GLYAT: variants seen among roughly 807,000 people sequenced by gnomAD.
GLYAT encodes glycine-N-acyltransferase.
Under a neutral mutation model 22.8 loss-of-function variants are expected in GLYAT, and 25 were observed. The observed-to-expected ratio is 1.09, with a 90% CI of 0.80 to 1.53. The LOEUF is 1.53. Ranked by LOEUF, GLYAT falls within the 40% of genes most tolerant of loss-of-function variation. GLYAT has a pLI of 0.00. For synonymous variants in GLYAT, 140 were observed against 122.7 expected, an observed-to-expected ratio of 1.14 and a Z score of -0.93; for missense variants, 411 against 353.9, an observed-to-expected ratio of 1.16 and a Z score of -1.29.
In GLYAT at chr11:58,709,734, T is replaced by A. The variant is rs1468580176; in HGVS notation, c.*32A>T. On this transcript the variant is annotated 3_prime_UTR_variant, in exon 6 of 6. Coordinates refer to ENST00000344743, the MANE Select transcript of GLYAT (RefSeq NM_201648.3). ...ACTCCTCAAATTATACGCCCAGACC[T>A]GCCCAACACTGTCTTATGTTCAGGA... 1 of 1,571,938 alleles carries A rather than the reference T, an allele frequency of 6.4e-7. No individual in the cohort carries two copies. Among genetic ancestry groups the A allele is most frequent in the Admixed American group, 1.8e-5 (1 of 55,330 alleles).
chr11:58,717,469 C>G (rs1461334415), intron 2 of GLYAT, among the ~76,000 whole-genome samples: 2 of 151,532 alleles, frequency 1.3e-5, no homozygotes, highest in Non-Finnish European at 2.9e-5. Flanking sequence ...TTATTTTTTT[C>G]TGAAGTTTAA....
intron 2 of GLYAT, among the ~76,000 whole-genome samples, chr11:58,721,061 A>C (rs2134490156): frequency 6.6e-6 from 1 of 152,106 alleles, no homozygotes; most frequent in South Asian, 2.1e-4. Context: ...TTAGTAGTGA[A>C]ATATTTTGTA....
rs554742715 is a variant in GLYAT at position 58,724,443 on chromosome 11, C to T, written c.54G>A (p.Leu18=). Residue 18 remains leucine, a synonymous_variant, in exon 2 of 6, where the codon TTG becomes TTA. Transcript: ENST00000344743. ...AQMLQMLEKS[L]RKSLPASLKV... is the part of the protein sequence containing the mutation. ...TTAAGGATGCTGGGAGGCTCTTCCT[C>T]AAGGATTTCTCCAGCATCTGCAGCA... is the stretch of plus-strand genomic sequence containing the variant. The T allele has an allele frequency of 3.1e-6, 5 of 1,606,260 alleles. No homozygotes were observed. The South Asian group carries it at 4.4e-5, about 14-fold the overall frequency.
At chr11:58,715,960 G>C (rs934965120) in intron 2 of GLYAT, among the ~76,000 whole-genome samples, 3 of 152,066 alleles carry the variant, frequency 2.0e-5, no homozygotes, top group Non-Finnish European at 4.4e-5. Context: ...TGGTTTAAAG[G>C]CTATATACAT....
chr11:58,715,795 C>T (rs963758849), intron 2 of GLYAT, among the ~76,000 whole-genome samples: 2 of 152,120 alleles, frequency 1.3e-5, no homozygotes, highest in African/African-American at 4.8e-5. Context: ...AATTTCATTA[C>T]ATGGATGCAT....
chr11:58,712,255 CATT>C (rs1856625021), intron 4 of GLYAT, among the ~76,000 whole-genome samples: 1 of 152,146 alleles, frequency 6.6e-6, no homozygotes, highest in South Asian at 2.1e-4. Flanking sequence ...TTTTAGGTAA[CATT>C]ATTTTCCTCA....
intron 2 of GLYAT, 150 bp downstream of exon 2, chr11:58,724,266 C>T: frequency 2.0e-6 from 1 of 511,420 alleles, no homozygotes; most frequent in Admixed American, 3.5e-5. Flanking sequence ...TGACAGTAAA[C>T]ATCTTGTAGA....
intron 5 of GLYAT, 158 bp downstream of exon 5, chr11:58,710,432 C>A: frequency 1.4e-6 from 1 of 737,744 alleles, no homozygotes; most frequent in East Asian, 2.6e-5. Flanking sequence ...GTCTTTTAAG[C>A]AGGAGAGAAA....
At chr11:58,713,827 A>G (rs1266991934) in intron 3 of GLYAT, among the ~76,000 whole-genome samples, 1 of 152,138 alleles carries the variant, frequency 6.6e-6, no homozygotes, top group Non-Finnish European at 1.5e-5. Flanking sequence ...ACATTTAATA[A>G]AAGATCAAAT....
Position 58,710,232 on chromosome 11 carries a change from C to T in GLYAT, c.489-64G>A, listed in dbSNP as rs1012981216. 1.4e-5 allele frequency: 21 copies of T among 1,530,242 alleles called. No homozygotes were observed. The African/African-American group carries it at 2.8e-4, about 20-fold the overall frequency. 94.8% of individuals were successfully genotyped at this position (1,530,242 alleles called of 1,614,324 possible). On this transcript the variant is annotated intron_variant, in intron 5 of 5. Transcript: ENST00000344743. The stretch of plus-strand genomic sequence containing the variant: ...TAAAGGTTTGTATTTGCTGTGACCT[C>T]TATTGTCTTGAGAGACAGAGTAGAC...
At position 58,724,519 on chromosome 11, in the gene GLYAT, G is replaced by A. The variant is rs770818353; in HGVS notation, c.-15-8C>T. The A allele has an allele frequency of 1.5e-5, 22 of 1,451,692 alleles. No individual in the cohort carries two copies. The highest frequency in any genetic ancestry group is 1.2e-5 in the Non-Finnish European group (13 of 1,041,266). 89.9% of individuals were successfully genotyped at this position (1,451,692 alleles called of 1,614,324 possible). On this transcript the variant is annotated splice_polypyrimidine_tract_variant and splice_region_variant and intron_variant, in intron 1 of 5. Transcript: ENST00000344743. The stretch of plus-strand genomic sequence containing the variant: ...CATGGAGGATACCTTAGCCTAGAAA[G>A]ACAACCAAGGAACATACAGGATTGA...
chr11:58,717,763 G>C (rs1217202871), intron 2 of GLYAT, among the ~76,000 whole-genome samples: 1 of 151,960 alleles, frequency 6.6e-6, no homozygotes, highest in Non-Finnish European at 1.5e-5. Flanking sequence ...ATTATGGTAG[G>C]ACTGGTTTGC....
At chr11:58,727,127 T>C (rs2134497011) in intron 1 of GLYAT, among the ~76,000 whole-genome samples, 1 of 152,228 alleles carries the variant, frequency 6.6e-6, no homozygotes, top group Admixed American at 6.5e-5. Flanking sequence ...ATATGTTAAA[T>C]CATAAAGCAC....
intron 2 of GLYAT, among the ~76,000 whole-genome samples, chr11:58,722,401 T>C (rs1285660575): frequency 6.6e-6 from 1 of 152,062 alleles, no homozygotes; most frequent in Non-Finnish European, 1.5e-5. Context: ...ACACTTGGTT[T>C]TATATATTTT....
chr11:58,714,607 T>C (rs893011012), intron 3 of GLYAT, among the ~76,000 whole-genome samples: 4 of 152,122 alleles, frequency 2.6e-5, no homozygotes, highest in Non-Finnish European at 4.4e-5. Context: ...ATGGAGACAA[T>C]TGAATCATTG....
At chr11:58,711,833 A>G (rs1856619958) in intron 4 of GLYAT, among the ~76,000 whole-genome samples, 1 of 152,232 alleles carries the variant, frequency 6.6e-6, no homozygotes, top group African/African-American at 2.4e-5. Context: ...ATGCAAGGAG[A>G]GGCTTAAAAG....
In GLYAT at chr11:58,710,432, C is replaced by G. The variant is rs563068870; in HGVS notation, c.488+158G>C. ...AAGGGAGATGGTGGAGTCTTTTAAG[C>G]AGGAGAGAAACATGTTCTGAGTTAC... is the stretch of plus-strand genomic sequence containing the variant. On this transcript the variant is annotated intron_variant, in intron 5 of 5. Coordinates refer to ENST00000344743, the MANE Select transcript of GLYAT (RefSeq NM_201648.3). 1.4e-5 allele frequency: 10 copies of G among 737,744 alleles called. No individual in the cohort carries two copies. The South Asian group carries it at 1.8e-4, about 13-fold the overall frequency. The allele number at this position is 737,744 out of a possible 1,614,324, so 45.7% of individuals were successfully genotyped here.
intron 2 of GLYAT, among the ~76,000 whole-genome samples, chr11:58,722,487 A>G (rs1296876961): frequency 2.0e-5 from 3 of 152,070 alleles, no homozygotes; most frequent in African/African-American, 7.2e-5. Context: ...CATATTGAAG[A>G]AGGGACATTT....
At chr11:58,716,872 T>C (rs1470821411) in intron 2 of GLYAT, among the ~76,000 whole-genome samples, 2 of 152,016 alleles carry the variant, frequency 1.3e-5, no homozygotes, top group Non-Finnish European at 2.9e-5. Context: ...CCTCAATCAA[T>C]ATATGTAAGA....
Sources: gnomAD v4.1 joint callset for allele counts (sites outside exome capture counted in the v4.1 genomes callset) on GRCh38, gnomAD v4.1.1 for gene constraint, MANE v1.5 for transcripts, NCBI Gene and HGNC (gene_info 2026-07-23, HGNC 2026-07-21) for gene names.